Variants in RPS6KC1 observed in about 807,000 individuals in gnomAD.
The protein encoded by RPS6KC1 is ribosomal protein S6 kinase C1.
RPS6KC1 carries 54 observed loss-of-function variants against 103.8 expected under a neutral mutation model. The ratio of observed to expected loss-of-function variants is 0.52; its 90% CI spans 0.42 to 0.65. The LOEUF is 0.65. RPS6KC1 is among the 30% of genes least tolerant of loss of function. The pLI is 0.00. For missense variants in RPS6KC1, 1,151 were observed against 1,253.8 expected (o/e 0.92, Z 1.24); for synonymous variants, 439 against 438.7 (o/e 1.00, Z -0.01).
At chr1:213,582,790 A>G in the RPS6KC1 span, among the ~76,000 whole-genome samples, 5 of 152,234 alleles carry the variant, frequency 3.3e-5, no homozygotes, top group African/African-American at 1.2e-4. Flanking sequence ...ACAATAAAAT[A>G]CACTCATTTT....
intron 8 of RPS6KC1, among the ~76,000 whole-genome samples, chr1:213,222,754 A>G (rs2093867000): frequency 6.6e-6 from 1 of 152,246 alleles, no homozygotes; most frequent in Admixed American, 6.5e-5. Context: ...AGAATACAAA[A>G]TGAGATTTAT....
intron 4 of RPS6KC1, among the ~76,000 whole-genome samples, chr1:213,115,797 C>G (rs1291424858): frequency 1.3e-5 from 2 of 152,172 alleles, no homozygotes; most frequent in Admixed American, 1.3e-4. Context: ...TTTCTGCCTT[C>G]ATTTTGTTAT....
At chr1:213,402,192 T>C in the RPS6KC1 span, among the ~76,000 whole-genome samples, 1 of 152,192 alleles carries the variant, frequency 6.6e-6, no homozygotes, top group Non-Finnish European at 1.5e-5. Context: ...GACTGGGCCT[T>C]GAGCCACTCA....
At chr1:213,752,037 T>C in the RPS6KC1 span, among the ~76,000 whole-genome samples, 1 of 152,202 alleles carries the variant, frequency 6.6e-6, no homozygotes, top group Non-Finnish European at 1.5e-5. Flanking sequence ...TATCTAACCC[T>C]TTGGGTTATT....
At chr1:213,408,918 A>G in the RPS6KC1 span, among the ~76,000 whole-genome samples, 15 of 152,326 alleles carry the variant, frequency 9.8e-5, no homozygotes. Flanking sequence ...ACGGTAGAGA[A>G]CTATCGCATC....
chr1:213,781,602 T>C, the RPS6KC1 span, among the ~76,000 whole-genome samples: 10 of 152,186 alleles, frequency 6.6e-5, no homozygotes, highest in Non-Finnish European at 8.8e-5. Flanking sequence ...AAACTAATTA[T>C]GGACATGTGA....
chr1:213,256,092 T>G (rs2094637498), intron 12 of RPS6KC1, among the ~76,000 whole-genome samples: 1 of 152,196 alleles, frequency 6.6e-6, no homozygotes, highest in Non-Finnish European at 1.5e-5. Flanking sequence ...TCTCTACTAC[T>G]CCAGTCAGAT....
chr1:213,587,166 G>A, the RPS6KC1 span, among the ~76,000 whole-genome samples: 5 of 152,186 alleles, frequency 3.3e-5, no homozygotes, highest in East Asian at 9.6e-4. Flanking sequence ...AGAGCCCGAA[G>A]CAGGCATGGA....
At chr1:213,823,817 A>T in the RPS6KC1 span, among the ~76,000 whole-genome samples, 1 of 151,956 alleles carries the variant, frequency 6.6e-6, no homozygotes, top group Non-Finnish European at 1.5e-5. Context: ...CTTGCGTTGA[A>T]CCAAGCACTG....
the RPS6KC1 span, among the ~76,000 whole-genome samples, chr1:213,639,384 A>G: frequency 6.6e-6 from 1 of 152,130 alleles, no homozygotes; most frequent in South Asian, 2.1e-4. Context: ...ATGTTGAATG[A>G]GAGTATTGAG....
At chr1:213,769,429 A>G in the RPS6KC1 span, among the ~76,000 whole-genome samples, 3 of 152,080 alleles carry the variant, frequency 2.0e-5, no homozygotes, top group African/African-American at 4.8e-5. Context: ...GGACCAGTTT[A>G]GAGGATGTCT....
intron 8 of RPS6KC1, among the ~76,000 whole-genome samples, chr1:213,185,256 C>T (rs1230813257): frequency 6.6e-6 from 1 of 152,140 alleles, no homozygotes; most frequent in Non-Finnish European, 1.5e-5. Flanking sequence ...CACCCCTTCA[C>T]TTTCAGTCTA....
the RPS6KC1 span, among the ~76,000 whole-genome samples, chr1:213,465,649 T>C: frequency 6.6e-6 from 1 of 152,146 alleles, no homozygotes; most frequent in African/African-American, 2.4e-5. Context: ...TTCACTCCCA[T>C]TTTTTTAATT....
At chr1:213,454,146 A>AT in the RPS6KC1 span, among the ~76,000 whole-genome samples, 1 of 124,144 alleles carries the variant, frequency 8.1e-6, no homozygotes, top group African/African-American at 4.0e-5. Flanking sequence ...TTTTGACCAC[A>AT]TGGGGGGGGT....
chr1:213,679,336 C>T, the RPS6KC1 span, among the ~76,000 whole-genome samples: 1 of 152,214 alleles, frequency 6.6e-6, no homozygotes, highest in Non-Finnish European at 1.5e-5. Context: ...CACAGTTCTA[C>T]CTTGTTTAAA....
intron 8 of RPS6KC1, among the ~76,000 whole-genome samples, chr1:213,216,413 A>T (rs7518314): frequency 0.041 from 6,197 of 152,236 alleles, 194 homozygotes; most frequent in African/African-American, 0.084. Context: ...CTCCCACACA[A>T]TAATAATGGG....
chr1:213,235,711 G>A (rs557121531), intron 10 of RPS6KC1, among the ~76,000 whole-genome samples: 21 of 152,188 alleles, frequency 1.4e-4, no homozygotes, highest in Admixed American at 4.6e-4. Flanking sequence ...GAGAAGTGAG[G>A]AGGCAGGCAG....
intron 1 of RPS6KC1, among the ~76,000 whole-genome samples, chr1:213,057,609 AT>A (rs1246837460): frequency 1.3e-5 from 2 of 150,920 alleles, no homozygotes; most frequent in Non-Finnish European, 3.0e-5. Flanking sequence ...TAATTTGCCT[AT>A]TTTTTTCTTT....
chr1:213,288,932 CTTG>C, the RPS6KC1 span, among the ~76,000 whole-genome samples: 2 of 152,050 alleles, frequency 1.3e-5, no homozygotes, highest in South Asian at 2.1e-4. Flanking sequence ...TTGGGATTGG[CTTG>C]TTGTTTGTTT....
Sources: allele counts gnomAD v4.1 joint callset (sites outside exome capture counted in the v4.1 genomes callset), GRCh38; gene constraint gnomAD v4.1.1; transcripts MANE v1.5; gene names NCBI Gene and HGNC (gene_info 2026-07-23, HGNC 2026-07-21).